DSP: variants seen among roughly 807,000 people sequenced by gnomAD.
DSP encodes the protein desmoplakin.
A neutral mutation model predicts 290.6 loss-of-function variants in DSP; 114 were observed. That is an observed-to-expected ratio of 0.39 (90% CI 0.34 to 0.46). DSP has a LOEUF of 0.46. DSP is among the 20% of genes least tolerant of loss of function. The pLI is 0.99. For synonymous variants in DSP, 1,311 were observed against 1,316.4 expected (o/e 1.00, Z 0.09); for missense variants, 3,230 against 3,495.8 (o/e 0.92, Z 1.92).
At chr6:7,547,091 C>T (rs566006238) in intron 1 of DSP, among the ~76,000 whole-genome samples, 4 of 152,162 alleles carry the variant, frequency 2.6e-5, no homozygotes, top group Admixed American at 2.0e-4. Flanking sequence ...AGTCTGGAGG[C>T]CTTGTTGCTG....
In DSP at chr6:7,584,386, G is replaced by A. The variant is rs1168590293; in HGVS notation, c.7124G>A (p.Gly2375Glu). Reference protein sequence around the residue: ...IRLLEAQIATGGIIDPKESHR... With the variant: ...IRLLEAQIATEGIIDPKESHR... ...TTATTAGAAGCACAGATCGCAACCG[G>A]GGGGATCATTGACCCAAAGGAGAGC... Residue 2375 changes from glycine (G) to glutamate (E), a missense_variant, in exon 24 of 24, where the codon GGG (glycine) becomes GAG (glutamate). Gly to Glu is a moderately conservative substitution (Grantham distance 98). Coordinates refer to ENST00000379802, the MANE Select transcript of DSP (RefSeq NM_004415.4). The surrounding 1 kb of genome is among the most constrained non-coding windows in gnomAD (Gnocchi z 6.4). The A allele has an allele frequency of 6.2e-7, 1 of 1,614,090 alleles. No homozygotes were observed. Among genetic ancestry groups the A allele is most frequent in the East Asian group, 2.2e-5 (1 of 44,880 alleles).
intron 1 of DSP, among the ~76,000 whole-genome samples, chr6:7,552,401 C>CA (rs35879281): frequency 0.19 from 27,464 of 142,492 alleles, 2,839 homozygotes; most frequent in East Asian, 0.34. Flanking sequence ...ATTAAAAATA[C>CA]AAAAAAAAAA....
In DSP at chr6:7,571,395, C is replaced by T. The variant is rs796851273; in HGVS notation, c.1714C>T (p.Arg572Trp). 7 of 1,614,064 alleles carry T rather than the reference C, an allele frequency of 4.3e-6. No homozygotes were observed. The highest frequency in any genetic ancestry group is 2.2e-5 in the East Asian group (1 of 44,882). The stretch of plus-strand genomic sequence containing the variant: ...TGTCTCCTTTCAGCTGAAAACAATG[C>T]GGCAGGAAGATTACATGAAGACGAT... Reference protein sequence around the residue: ...AMTIAKLKTMRQEDYMKTIAD... With the variant: ...AMTIAKLKTMWQEDYMKTIAD... The change falls in exon 14 of 24, where the codon CGG becomes TGG. Residue 572 changes from arginine to tryptophan, a missense_variant. Around this residue, in one of 5 missense-constraint regions of DSP, gnomAD observed 81 missense variants for 130.5 expected, o/e 0.62. Transcript: ENST00000379802.
At chr6:7,566,535 G>A in intron 8 of DSP, 54 bp downstream of exon 8, 1 of 1,412,540 alleles carries the variant, frequency 7.1e-7, no homozygotes, top group Non-Finnish European at 9.9e-7. Context: ...TTTTCATAAA[G>A]TAAGACTAAC....
In DSP at chr6:7,580,677, A is replaced by T. The variant is rs772597308; in HGVS notation, c.4487A>T (p.Asp1496Val). The T allele has an allele frequency of 5.0e-6, 8 of 1,613,922 alleles. No individual in the cohort carries two copies. The South Asian group carries it at 7.7e-5, about 16-fold the overall frequency. Residue 1496 changes from aspartate to valine, a missense_variant, in exon 23 of 24, where the codon GAC becomes GTC. By Grantham distance (152) the Asp-to-Val change is radical. Around this residue, in one of 5 missense-constraint regions of DSP, gnomAD observed 1,714 missense variants for 1,844.5 expected, o/e 0.93. Transcript: ENST00000379802. The surrounding 1 kb of genome is among the most constrained non-coding windows in gnomAD (Gnocchi z 4.2). ...LKQLIDKETNDRKCLEDENAR... is the reference protein window; with the variant it reads ...LKQLIDKETNVRKCLEDENAR... ...CAACTGATCGACAAAGAAACAAATG[A>T]CCGGAAATGCCTGGAAGATGAAAAC...
At position 7,579,487 on chromosome 6, in the gene DSP, G is replaced by C. The variant is rs370550974; in HGVS notation, c.3297G>C (p.Lys1099Asn). ...AGTCGGCTAAGCAAAATCTAGACAA[G>C]TGCTACGGCCAAATAAAAGAACTCA... ...DGKSAKQNLD[K>N]CYGQIKELNE... Residue 1099 changes from lysine (K) to asparagine (N), a missense_variant, in exon 23 of 24, where the codon AAG (lysine) becomes AAC (asparagine). Around this residue, in one of 5 missense-constraint regions of DSP, gnomAD observed 1,714 missense variants for 1,844.5 expected, o/e 0.93. Coordinates refer to ENST00000379802, the MANE Select transcript of DSP (RefSeq NM_004415.4). The surrounding 1 kb of genome is among the most constrained non-coding windows in gnomAD (Gnocchi z 4.1). 97 of 1,613,922 alleles carry C rather than the reference G, an allele frequency of 6.0e-5. 1 individual carries two copies. In the African/African-American group the frequency reaches 1.2e-3, roughly 21 times the overall value.
In DSP at chr6:7,558,127, T is replaced by C. The variant is rs1758555507; in HGVS notation, c.285T>C (p.Tyr95=). 1.2e-6 allele frequency: 2 copies of C among 1,614,100 alleles called. No individual in the cohort carries two copies. Among genetic ancestry groups the C allele is most frequent in the African/African-American group, 1.3e-5 (1 of 74,924 alleles). Residue 95 remains tyrosine (Y), a synonymous_variant, in exon 3 of 24, where the codon TAT becomes TAC. Transcript: ENST00000379802. ...GTGTTTTCTTTCAGGAATTGAAGTA[T>C]GGAGATGGAATACAACTGACTCGGA... ...AELIVQPELK[Y]GDGIQLTRSR... is the part of the protein sequence containing the mutation.
intron 18 of DSP, among the ~76,000 whole-genome samples, chr6:7,575,987 G>A (rs1441365512): frequency 1.3e-5 from 2 of 152,118 alleles, no homozygotes; most frequent in Admixed American, 1.3e-4. Context: ...TGCTTTCAGA[G>A]TTCATCTGTG....
chr6:7,579,950 G>T lies in DSP; in HGVS notation c.3760G>T (p.Val1254Phe). The part of the protein sequence containing the change: ...RENRDLKDEI[V>F]RLNDSILQAT... ...AAATCGAGATCTGAAGGATGAAATT[G>T]TCAGGCTCAATGACAGCATCTTGCA... Residue 1254 changes from valine (V) to phenylalanine (F), a missense_variant, in exon 23 of 24, where the codon GTC (valine) becomes TTC (phenylalanine). This residue lies in a region of DSP where 1,714 missense variants were observed against 1,844.5 expected (regional missense o/e 0.93). Coordinates refer to ENST00000379802, the MANE Select transcript of DSP (RefSeq NM_004415.4). This position sits in a 1 kb window ranked among gnomAD's most constrained non-coding sequence, Gnocchi z 4.1. The T allele has an allele frequency of 6.2e-7, 1 of 1,614,166 alleles. No homozygotes were observed. Among genetic ancestry groups the T allele is most frequent in the Admixed American group, 1.7e-5 (1 of 60,024 alleles).
intron 7 of DSP, among the ~76,000 whole-genome samples, chr6:7,566,001 G>A (rs548801288): frequency 2.4e-4 from 36 of 152,182 alleles, no homozygotes; most frequent in Admixed American, 7.9e-4. Context: ...AGAAAAAGAG[G>A]GGCAATACCT....
intron 4 of DSP, among the ~76,000 whole-genome samples, chr6:7,559,697 T>C (rs759594750): frequency 3.9e-5 from 6 of 152,214 alleles, no homozygotes; most frequent in Non-Finnish European, 5.9e-5. Flanking sequence ...AGTTCTTATA[T>C]TGACCACCGG....
At chr6:7,574,965 G>C (rs1234477828) in intron 17 of DSP, among the ~76,000 whole-genome samples, 170 bp downstream of exon 17, 1 of 152,214 alleles carries the variant, frequency 6.6e-6, no homozygotes, top group African/African-American at 2.4e-5. Context: ...TCCAGACTGT[G>C]TTAGCAGGAA....
intron 11 of DSP, among the ~76,000 whole-genome samples, chr6:7,568,862 C>T (rs555553785): frequency 6.6e-6 from 1 of 152,306 alleles, no homozygotes; most frequent in Admixed American, 6.5e-5. Context: ...TCTGTGATCA[C>T]TCTCATCTTT....
At position 7,571,917 on chromosome 6, in the gene DSP, A is replaced by G; in HGVS notation, c.1979A>G (p.Glu660Gly). The G allele has an allele frequency of 6.2e-7, 1 of 1,614,168 alleles. No homozygotes were observed. The highest frequency in any genetic ancestry group is 8.5e-7 in the Non-Finnish European group (1 of 1,180,036). Residue 660 changes from glutamate to glycine, a missense_variant, in exon 15 of 24, where the codon GAA (glutamate) becomes GGA (glycine). By Grantham distance (98) the Glu-to-Gly change is moderately conservative. Around this residue, in one of 5 missense-constraint regions of DSP, gnomAD observed 1,714 missense variants for 1,844.5 expected, o/e 0.93. Transcript: ENST00000379802. Reference protein sequence around the residue: ...NHNKVIETNRENDKQETWMLM... With the variant: ...NHNKVIETNRGNDKQETWMLM... ...AATAAAGTAATTGAAACCAACAGAGAAAATGACAAGCAAGAAACATGGATG... is the reference window on the plus strand; with the variant it reads ...AATAAAGTAATTGAAACCAACAGAGGAAATGACAAGCAAGAAACATGGATG...
At position 7,565,909 on chromosome 6, in the gene DSP, T is replaced by C; in HGVS notation, c.939+389T>C. The stretch of plus-strand genomic sequence containing the variant: ...CTTAATCGTGGGTGATGAAATAACC[T>C]GTACAACAAATCCCTGTGATACAAG... On this transcript the variant is annotated intron_variant, in intron 7 of 23. Coordinates refer to ENST00000379802, the MANE Select transcript of DSP (RefSeq NM_004415.4). This position sits in a 1 kb window ranked among gnomAD's most constrained non-coding sequence, Gnocchi z 4.2. 2.9e-6 allele frequency: 1 copy of C among 343,706 alleles called. No individual in the cohort carries two copies. The allele number at this position is 343,706 out of a possible 1,614,324, so 21.3% of individuals were successfully genotyped here.
In DSP at chr6:7,584,430, A is replaced by G. The variant is rs1303013705; in HGVS notation, c.7168A>G (p.Ile2390Val). 5.6e-6 allele frequency: 9 copies of G among 1,614,102 alleles called. No individual in the cohort carries two copies. The highest frequency in any genetic ancestry group is 7.6e-6 in the Non-Finnish European group (9 of 1,180,056). The part of the protein sequence containing the change: ...PKESHRLPVD[I>V]AYKRGYFNEE... ...GGAGAGCCATCGTTTACCAGTTGACATAGCATATAAGAGGGGCTATTTCAA... is the reference window on the plus strand; with the variant it reads ...GGAGAGCCATCGTTTACCAGTTGACGTAGCATATAAGAGGGGCTATTTCAA... Residue 2390 changes from isoleucine (I) to valine (V), a missense_variant, in exon 24 of 24, where the codon ATA (isoleucine) becomes GTA (valine). Physicochemically the swap from Ile to Val is conservative, Grantham distance 29. Coordinates refer to ENST00000379802, the MANE Select transcript of DSP (RefSeq NM_004415.4). This position sits in a 1 kb window ranked among gnomAD's most constrained non-coding sequence, Gnocchi z 6.4.
At chr6:7,571,668 A>G in intron 14 of DSP, 84 bp downstream of exon 14, 1 of 1,571,226 alleles carries the variant, frequency 6.4e-7, no homozygotes, top group South Asian at 1.1e-5. Context: ...TGGTTTCAGA[A>G]CCATTTCTCT....
Position 7,567,822 on chromosome 6 carries a change from G to T in DSP, c.1182G>T (p.Gly394=), listed in dbSNP as rs1561687319. 1.2e-6 allele frequency: 2 copies of T among 1,614,048 alleles called. No homozygotes were observed. The highest frequency in any genetic ancestry group is 1.7e-6 in the Non-Finnish European group (2 of 1,179,994). Residue 394 remains glycine, a synonymous_variant, in exon 10 of 24, where the codon GGG becomes GGT. Coordinates refer to ENST00000379802, the MANE Select transcript of DSP (RefSeq NM_004415.4). The part of the protein sequence containing the change: ...EAQSTEAYLK[G]LQDSIRKKYP... The stretch of plus-strand genomic sequence containing the variant: ...AGTCTACTGAAGCATACCTGAAGGG[G>T]CTCCAGGACTCCATCAGGAAGAAGT...
intron 1 of DSP, among the ~76,000 whole-genome samples, chr6:7,548,130 G>T (rs1291483456): frequency 1.3e-5 from 2 of 152,090 alleles, no homozygotes; most frequent in African/African-American, 4.8e-5. Flanking sequence ...AGCTGGGCGT[G>T]GTGGCGGGCT....
Sources: gnomAD v4.1 joint callset for allele counts (sites outside exome capture counted in the v4.1 genomes callset) on GRCh38, gnomAD v4.1.1 for gene constraint, gnomAD v4.1.1 regional missense constraint, Gnocchi (gnomAD v3.1) non-coding constraint, MANE v1.5 for transcripts, NCBI Gene and HGNC (gene_info 2026-07-23, HGNC 2026-07-21) for gene names.